The following CRTC3 variants were observed in gnomAD, a reference collection of about 807,000 sequenced individuals.
CRTC3 encodes CREB-regulated transcription coactivator 3.
In CRTC3, 26 loss-of-function variants were observed where a neutral mutation model predicts 74.5. The observed-to-expected ratio is 0.35, with a 90% CI of 0.26 to 0.48. The LOEUF (loss-of-function observed/expected upper bound fraction) is 0.48, where lower values mean the gene tolerates loss of function less well. CRTC3 is among the 20% of genes least tolerant of loss of function. The pLI is 0.99. For synonymous variants in CRTC3, 377 were observed against 325.8 expected, an observed-to-expected ratio of 1.16 and a Z score of -1.69; for missense variants, 760 against 787.3, an observed-to-expected ratio of 0.97 and a Z score of 0.41.
intron 2 of CRTC3, among the ~76,000 whole-genome samples, chr15:90,541,933 C>T (rs1002391071): frequency 6.6e-6 from 1 of 151,652 alleles, no homozygotes; most frequent in Non-Finnish European, 1.5e-5. Context: ...TACAGGCGTG[C>T]ACTACCACGC....
At chr15:90,605,958 C>T (rs4932175) in intron 5 of CRTC3, among the ~76,000 whole-genome samples, 35,336 of 152,226 alleles carry the variant, frequency 0.23, 4,347 homozygotes, top group African/African-American at 0.3. Context: ...TACTTTACAG[C>T]CTTAAAAAAC....
At chr15:90,611,363 C>G (rs1968352599) in intron 6 of CRTC3, among the ~76,000 whole-genome samples, 1 of 152,158 alleles carries the variant, frequency 6.6e-6, no homozygotes, top group Non-Finnish European at 1.5e-5. Flanking sequence ...CTGAGGTTTC[C>G]TGGAACACAG....
chr15:90,634,982 G>C, intron 11 of CRTC3: 1 of 1,420,292 alleles, frequency 7.0e-7, no homozygotes, highest in East Asian at 2.3e-5. Flanking sequence ...TAGATGACAA[G>C]GATTATTTCC....
intron 2 of CRTC3, among the ~76,000 whole-genome samples, chr15:90,577,333 G>A (rs189406613): frequency 6.4e-4 from 97 of 152,272 alleles, no homozygotes; most frequent in African/African-American, 2.2e-3. Context: ...GGATATAAGG[G>A]GTTGGAGAAG....
intron 2 of CRTC3, among the ~76,000 whole-genome samples, chr15:90,567,771 T>C (rs1967161266): frequency 6.6e-6 from 1 of 152,210 alleles, no homozygotes; most frequent in African/African-American, 2.4e-5. Context: ...CTGATGGAAA[T>C]GTAGAAGATT....
At chr15:90,563,384 C>A (rs1440377069) in intron 2 of CRTC3, among the ~76,000 whole-genome samples, 2 of 151,304 alleles carry the variant, frequency 1.3e-5, no homozygotes, top group Admixed American at 1.3e-4. Flanking sequence ...CTAGCCTGGG[C>A]AACAGAGTGA....
rs1273428807 is a variant in CRTC3 at position 90,617,926 on chromosome 15, T to C, written c.657T>C (p.Asn219=). The C allele has an allele frequency of 2.5e-6, 4 of 1,613,442 alleles. No homozygotes were observed. Among genetic ancestry groups the C allele is most frequent in the Middle Eastern group, 1.7e-4 (1 of 6,060 alleles). The change falls in exon 8 of 15, where the codon AAT becomes AAC. Residue 219 remains asparagine, a synonymous_variant. Coordinates refer to ENST00000268184, the MANE Select transcript of CRTC3 (RefSeq NM_022769.5). The part of the protein sequence containing the change: ...PGPLKEENLL[N]VPKPLPKQLW... ...CATTGAAAGAAGAGAATCTGTTAAA[T>C]GTTCCGAAGCCACTGCCAAAACAAC...
At chr15:90,598,649 A>G (rs1754699957) in intron 3 of CRTC3, 2 of 628,080 alleles carry the variant, frequency 3.2e-6, no homozygotes, top group Non-Finnish European at 5.7e-6. Context: ...TTAAGGGGAC[A>G]GTGATTGGTT....
At chr15:90,571,143 A>G (rs1184848615) in intron 2 of CRTC3, among the ~76,000 whole-genome samples, 1 of 152,324 alleles carries the variant, frequency 6.6e-6, no homozygotes, top group East Asian at 1.9e-4. Flanking sequence ...CTGGAGATAC[A>G]ATGACCCAGA....
chr15:90,633,005 T>C (rs1257597696), intron 11 of CRTC3, among the ~76,000 whole-genome samples: 1 of 152,104 alleles, frequency 6.6e-6, no homozygotes, highest in Non-Finnish European at 1.5e-5. Flanking sequence ...CTCTTTCCAC[T>C]CTCCCACAGA....
chr15:90,608,177 C>T (rs1968274199), intron 6 of CRTC3, among the ~76,000 whole-genome samples: 1 of 152,138 alleles, frequency 6.6e-6, no homozygotes, highest in Non-Finnish European at 1.5e-5. Context: ...CCAGGAGTAA[C>T]CCGGAGTGGG....
intron 3 of CRTC3, among the ~76,000 whole-genome samples, chr15:90,599,895 G>A (rs1158241848): frequency 6.6e-6 from 1 of 152,192 alleles, no homozygotes; most frequent in Non-Finnish European, 1.5e-5. Flanking sequence ...AAGCGTTTCT[G>A]AACAGAGATT....
At chr15:90,613,185 GA>G (rs34111646) in intron 6 of CRTC3, among the ~76,000 whole-genome samples, 5,972 of 113,946 alleles carry the variant, frequency 0.052, 219 homozygotes, top group African/African-American at 0.14. Flanking sequence ...TCTGTCTCGG[GA>G]AAAAAAAAAA....
At chr15:90,582,902 A>G (rs181736795) in intron 2 of CRTC3, among the ~76,000 whole-genome samples, 4 of 152,374 alleles carry the variant, frequency 2.6e-5, no homozygotes, top group African/African-American at 9.6e-5. Context: ...CATCTTCTCC[A>G]GGTGAGAAGC....
chr15:90,578,807 A>G (rs1231832064), intron 2 of CRTC3, among the ~76,000 whole-genome samples: 1 of 152,182 alleles, frequency 6.6e-6, no homozygotes, highest in Non-Finnish European at 1.5e-5. Context: ...GAGAATGCCA[A>G]TATATTACTT....
At chr15:90,550,870 T>A (rs1209585261) in intron 2 of CRTC3, among the ~76,000 whole-genome samples, 2 of 151,748 alleles carry the variant, frequency 1.3e-5, no homozygotes, top group Non-Finnish European at 2.9e-5. Context: ...GCTCTGCCTG[T>A]CCTGTTGCCC....
At chr15:90,559,526 G>T (rs989965622) in intron 2 of CRTC3, among the ~76,000 whole-genome samples, 4 of 152,110 alleles carry the variant, frequency 2.6e-5, no homozygotes, top group African/African-American at 9.7e-5. Context: ...TACCTCCCAG[G>T]TTATTGGAAG....
At chr15:90,539,374 A>G (rs571623636) in intron 1 of CRTC3, among the ~76,000 whole-genome samples, 1 of 152,152 alleles carries the variant, frequency 6.6e-6, no homozygotes, top group East Asian at 1.9e-4. Context: ...TAATGGTAAT[A>G]TCCAATATCA....
chr15:90,598,445 C>T (rs1406059731), intron 3 of CRTC3: 2 of 702,984 alleles, frequency 2.8e-6, no homozygotes, highest in Admixed American at 2.0e-5. Context: ...TCTAACACTC[C>T]ACAGGTTGAG....
Sources: gnomAD v4.1 joint callset for allele counts (sites outside exome capture counted in the v4.1 genomes callset) on GRCh38, gnomAD v4.1.1 for gene constraint, MANE v1.5 for transcripts, NCBI Gene and HGNC (gene_info 2026-07-23, HGNC 2026-07-21) for gene names.